ADAMTS18: variants seen among roughly 807,000 people sequenced by gnomAD.
The protein encoded by ADAMTS18 is ADAM metallopeptidase with thrombospondin type 1 motif 18, also known as A disintegrin and metalloproteinase with thrombospondin motifs 18.
Under a neutral mutation model 165.9 loss-of-function variants are expected in ADAMTS18, and 157 were observed. The observed-to-expected ratio is 0.95, with a 90% confidence interval of 0.83 to 1.08. ADAMTS18 has a LOEUF of 1.08. Among genes scored for constraint, ADAMTS18 ranks in the 50% least tolerant of loss-of-function variants. ADAMTS18 has a pLI of 0.00. For synonymous variants in ADAMTS18, 782 were observed against 578.2 expected, an observed-to-expected ratio of 1.35 and a Z score of -5.06; for missense variants, 2,040 against 1,534.0, an observed-to-expected ratio of 1.33 and a Z score of -5.51.
chr16:77,331,249 T>C (rs1398260486), intron 12 of ADAMTS18, among the ~76,000 whole-genome samples: 2 of 152,180 alleles, frequency 1.3e-5, no homozygotes, highest in African/African-American at 4.8e-5. Flanking sequence ...AGGGGCATCA[T>C]TCATGCACTT....
chr16:77,434,199 G>C (rs2057769456), intron 2 of ADAMTS18, among the ~76,000 whole-genome samples: 1 of 151,898 alleles, frequency 6.6e-6, no homozygotes, highest in Non-Finnish European at 1.5e-5. Context: ...GAAGGAGGGA[G>C]AGTATTTGCT....
chr16:77,351,925 G>C (rs2056562109), intron 10 of ADAMTS18, among the ~76,000 whole-genome samples: 1 of 151,892 alleles, frequency 6.6e-6, no homozygotes. Context: ...GTAAAGAGAG[G>C]GTCTAACTTT....
At chr16:77,342,018 T>C (rs2056406039) in intron 10 of ADAMTS18, among the ~76,000 whole-genome samples, 1 of 152,190 alleles carries the variant, frequency 6.6e-6, no homozygotes, top group African/African-American at 2.4e-5. Flanking sequence ...ATGTGTGTTT[T>C]GTAACAGCTG....
At chr16:77,308,977 A>G (rs2055731237) in intron 16 of ADAMTS18, among the ~76,000 whole-genome samples, 1 of 152,236 alleles carries the variant, frequency 6.6e-6, no homozygotes. Flanking sequence ...TCACTGATAC[A>G]TAATATCCTA....
chr16:77,367,327 C>CA, intron 4 of ADAMTS18, 114 bp downstream of exon 4: 1 of 1,162,608 alleles, frequency 8.6e-7, no homozygotes, highest in East Asian at 2.4e-5. Context: ...TACACCAAGA[C>CA]AGATGCTCAG....
At chr16:77,368,453 T>C (rs2056831350) in intron 3 of ADAMTS18, among the ~76,000 whole-genome samples, 1 of 151,464 alleles carries the variant, frequency 6.6e-6, no homozygotes, top group Non-Finnish European at 1.5e-5. Context: ...TTTTTTTTTT[T>C]TGAGATTAGG....
chr16:77,369,967 G>C (rs146224951), intron 3 of ADAMTS18, among the ~76,000 whole-genome samples: 1 of 152,132 alleles, frequency 6.6e-6, no homozygotes, highest in Non-Finnish European at 1.5e-5. Flanking sequence ...CACATTAACA[G>C]AATCAACAAC....
intron 8 of ADAMTS18, among the ~76,000 whole-genome samples, chr16:77,357,099 G>A (rs1392607): frequency 1.4e-5 from 2 of 139,420 alleles, no homozygotes; most frequent in Non-Finnish European, 3.1e-5. Flanking sequence ...TAAAACTTGT[G>A]TCTTAGACCA....
At chr16:77,328,277 C>G (rs185883107) in intron 12 of ADAMTS18, among the ~76,000 whole-genome samples, 1 of 152,114 alleles carries the variant, frequency 6.6e-6, no homozygotes, top group East Asian at 1.9e-4. Context: ...CTTGTCACTC[C>G]TCCCATTTTG....
intron 11 of ADAMTS18, among the ~76,000 whole-genome samples, chr16:77,339,588 C>G (rs1237116663): frequency 7.5e-6 from 1 of 133,546 alleles, no homozygotes; most frequent in African/African-American, 2.9e-5. Flanking sequence ...AACGATGTTG[C>G]TTTTTCAATT....
chr16:77,336,506 C>G (rs1423601158), intron 11 of ADAMTS18, among the ~76,000 whole-genome samples: 1 of 152,160 alleles, frequency 6.6e-6, no homozygotes. Flanking sequence ...TCAGTCTGTA[C>G]AAATTGTTCT....
chr16:77,327,984 C>A (rs575125954), intron 12 of ADAMTS18, among the ~76,000 whole-genome samples: 1 of 152,046 alleles, frequency 6.6e-6, no homozygotes, highest in African/African-American at 2.4e-5. Flanking sequence ...GATTCTGAAA[C>A]CAGAGGGAAA....
intron 4 of ADAMTS18, 66 bp downstream of exon 4, chr16:77,367,375 A>G: frequency 6.3e-7 from 1 of 1,599,686 alleles, no homozygotes; most frequent in Admixed American, 1.7e-5. Context: ...TGTACACCCA[A>G]CAGCACTCAG....
chr16:77,403,101 T>C (rs1010610608), intron 3 of ADAMTS18, among the ~76,000 whole-genome samples: 1 of 152,222 alleles, frequency 6.6e-6, no homozygotes, highest in Non-Finnish European at 1.5e-5. Context: ...ATACTCACTA[T>C]AACGATGTGA....
chr16:77,337,057 C>A (rs1025307743), intron 11 of ADAMTS18, among the ~76,000 whole-genome samples: 4 of 152,214 alleles, frequency 2.6e-5, no homozygotes, highest in African/African-American at 9.7e-5. Flanking sequence ...CTAGCGCACT[C>A]TATCTAGGTT....
At chr16:77,295,292 A>C (rs1456510966) in intron 18 of ADAMTS18, among the ~76,000 whole-genome samples, 165 bp from the exon 19 acceptor site, 1 of 152,226 alleles carries the variant, frequency 6.6e-6, no homozygotes, top group Non-Finnish European at 1.5e-5. Context: ...GGCTTATACT[A>C]ATGTGATTGA....
At chr16:77,345,742 C>T (rs1425092042) in intron 10 of ADAMTS18, among the ~76,000 whole-genome samples, 1 of 152,180 alleles carries the variant, frequency 6.6e-6, no homozygotes, top group Non-Finnish European at 1.5e-5. Flanking sequence ...AAGTACCTAC[C>T]ATATTGGATA....
At chr16:77,394,710 T>G (rs2057234356) in intron 3 of ADAMTS18, among the ~76,000 whole-genome samples, 1 of 152,218 alleles carries the variant, frequency 6.6e-6, no homozygotes, top group South Asian at 2.1e-4. Context: ...AAGAAAGTAT[T>G]TAGCATAAAA....
At chr16:77,310,936 T>C (rs530815638) in intron 16 of ADAMTS18, among the ~76,000 whole-genome samples, 8 of 152,310 alleles carry the variant, frequency 5.3e-5, no homozygotes, top group African/African-American at 1.9e-4. Flanking sequence ...CTCCAATATC[T>C]AACACAGGGC....
Sources: gnomAD v4.1 joint callset for allele counts (sites outside exome capture counted in the v4.1 genomes callset) on GRCh38, gnomAD v4.1.1 for gene constraint, MANE v1.5 for transcripts, NCBI Gene and HGNC (gene_info 2026-07-23, HGNC 2026-07-21) for gene names.